Variants in CORO7 observed in about 807,000 individuals in gnomAD.
CORO7 encodes coronin-7.
CORO7 carries 107 observed loss-of-function variants against 126.6 expected under a neutral mutation model. The ratio of observed to expected loss-of-function variants is 0.85; its 90% confidence interval spans 0.72 to 0.99. CORO7 has a LOEUF of 0.99. Among genes scored for constraint, CORO7 ranks in the 50% least tolerant of loss-of-function variants. CORO7 has a pLI of 0.00. For missense variants in CORO7, 1,314 were observed against 1,255.8 expected, an observed-to-expected ratio of 1.05 and a Z score of -0.70; for synonymous variants, 603 against 536.8, an observed-to-expected ratio of 1.12 and a Z score of -1.70.
intron 9 of CORO7, among the ~76,000 whole-genome samples, chr16:4,370,294 C>A (rs1268252753): frequency 1.3e-5 from 2 of 152,126 alleles, no homozygotes; most frequent in Admixed American, 6.5e-5. Flanking sequence ...TGGGGCCGGG[C>A]AGGAAACTCA....
chr16:4,381,949 G>T, intron 9 of CORO7: 1 of 1,608,560 alleles, frequency 6.2e-7, no homozygotes. Context: ...CACAGCCACA[G>T]TGCCCACCAC....
At chr16:4,407,818 G>A in intron 4 of CORO7, 134 bp from the exon 5 acceptor site, 1 of 1,138,826 alleles carries the variant, frequency 8.8e-7, no homozygotes, top group South Asian at 1.7e-5. Context: ...CTTGGGAGGA[G>A]CGCCCACCCG....
intron 9 of CORO7, among the ~76,000 whole-genome samples, chr16:4,371,263 G>A (rs927682847): frequency 1.3e-5 from 2 of 152,230 alleles, no homozygotes; most frequent in Non-Finnish European, 2.9e-5. Flanking sequence ...GTGGCTAAGA[G>A]GACCCTGAGC....
At chr16:4,383,216 T>C in intron 9 of CORO7, 1 of 334,386 alleles carries the variant, frequency 3.0e-6, no homozygotes, top group East Asian at 5.0e-5. Flanking sequence ...TGGGCCCTGC[T>C]GGGCTCTCCC....
At position 4,362,017 on chromosome 16, in the gene CORO7, G is replaced by A. The variant is rs1244859788; in HGVS notation, c.1546C>T (p.Leu516Phe). 6.2e-7 allele frequency: 1 copy of A among 1,612,086 alleles called. No individual in the cohort carries two copies. Among genetic ancestry groups the A allele is most frequent in the East Asian group, 2.2e-5 (1 of 44,842 alleles). ...ACAGCCACCTGTCCCCCGCTGCTGA[G>A]CAGCGGCACGGCCACACGCAGCTTG... ...ANKLRVAVPLLSSGGQVAVLE... is the reference protein window; with the variant it reads ...ANKLRVAVPLFSSGGQVAVLE... Residue 516 changes from leucine (L) to phenylalanine (F), a missense_variant, in exon 16 of 28, where the codon CTC (leucine) becomes TTC (phenylalanine). Coordinates refer to ENST00000251166, the MANE Select transcript of CORO7 (RefSeq NM_024535.5). The surrounding 1 kb of genome is among the most constrained non-coding windows in gnomAD (Gnocchi z 5.3).
chr16:4,414,312 C>G (rs1217863577), intron 1 of CORO7: 1 of 152,192 alleles, frequency 6.6e-6, no homozygotes, highest in South Asian at 2.1e-4. Flanking sequence ...CACACCTTTC[C>G]ACAAAGTCTC....
intron 9 of CORO7, among the ~76,000 whole-genome samples, chr16:4,375,189 C>G (rs2054676291): frequency 6.6e-6 from 1 of 152,196 alleles, no homozygotes. Flanking sequence ...CTGCCCTGGG[C>G]TAACAGGTCT....
In CORO7 at chr16:4,360,398, C is replaced by T. The variant is rs115205675; in HGVS notation, c.2023-35G>A. On this transcript the variant is annotated intron_variant, in intron 20 of 27. Coordinates refer to ENST00000251166, the MANE Select transcript of CORO7 (RefSeq NM_024535.5). ...TACATCGCGTGACACCCAGCCAGCACCCCTGAACCAGGTCTGAGGCCACTC... is the reference window on the plus strand; with the variant it reads ...TACATCGCGTGACACCCAGCCAGCATCCCTGAACCAGGTCTGAGGCCACTC... The T allele has an allele frequency of 1.5e-3, 2,363 of 1,613,332 alleles. 26 individuals carry two copies. In the African/African-American group the frequency reaches 0.028, roughly 19 times the overall value.
chr16:4,382,643 C>T lies in CORO7; in HGVS notation c.785+5343G>A, dbSNP rs530602551. On this transcript the variant is annotated intron_variant, in intron 9 of 27. Coordinates refer to ENST00000251166, the MANE Select transcript of CORO7 (RefSeq NM_024535.5). ...GCCCTGGCCGCGGTGCTCCTGGCCG[C>T]GCTGGCTGCGGTGGGGGCAGCCTAC... 276 of 1,557,394 alleles carry T rather than the reference C, an allele frequency of 1.8e-4. No homozygotes were observed. The African/African-American group carries it at 3.4e-3, about 19-fold the overall frequency.
intron 9 of CORO7, among the ~76,000 whole-genome samples, chr16:4,366,919 C>T (rs2054366333): frequency 6.6e-6 from 1 of 152,282 alleles, no homozygotes; most frequent in East Asian, 1.9e-4. Context: ...AGGACCCCGT[C>T]CCCACTGTGT....
intron 9 of CORO7, among the ~76,000 whole-genome samples, chr16:4,369,796 T>C (rs997139946): frequency 3.3e-5 from 5 of 152,196 alleles, no homozygotes; most frequent in African/African-American, 9.7e-5. Flanking sequence ...CCCTTGGATC[T>C]GTCCCTATCA....
At chr16:4,414,809 A>G (rs982486161) in intron 1 of CORO7, among the ~76,000 whole-genome samples, 1 of 152,098 alleles carries the variant, frequency 6.6e-6, no homozygotes, top group Non-Finnish European at 1.5e-5. Context: ...CTGCACTCAG[A>G]GCCACCGGCT....
At position 4,407,521 on chromosome 16, in the gene CORO7, G is replaced by A; in HGVS notation, c.467C>T (p.Ala156Val). 6.4e-7 allele frequency: 1 copy of A among 1,571,574 alleles called. No individual in the cohort carries two copies. The highest frequency in any genetic ancestry group is 1.4e-5 in the African/African-American group (1 of 73,952). Reference sequence around the variant, plus strand: ...TGTACCTGTCAGGGGCTGCTGCTTGGCTGCGTCCCAGACCTTCACAGTGGT... The same window carrying A: ...TGTACCTGTCAGGGGCTGCTGCTTGACTGCGTCCCAGACCTTCACAGTGGT... The part of the protein sequence containing the change: ...AGTTVKVWDA[A>V]KQQPLTELAA... Residue 156 changes from alanine (A) to valine (V), a missense_variant, in exon 5 of 28, where the codon GCC (alanine) becomes GTC (valine). By Grantham distance (64) the Ala-to-Val change is moderately conservative (BLOSUM62 0). Coordinates refer to ENST00000251166, the MANE Select transcript of CORO7 (RefSeq NM_024535.5).
intron 6 of CORO7, among the ~76,000 whole-genome samples, chr16:4,404,897 T>C (rs935552765): frequency 2.0e-5 from 3 of 152,118 alleles, no homozygotes; most frequent in Non-Finnish European, 4.4e-5. Context: ...TGCCCTACTC[T>C]GGCCTTTAAC....
chr16:4,374,086 C>CGTGTGTGT (rs112578905), intron 9 of CORO7, among the ~76,000 whole-genome samples: 1 of 148,702 alleles, frequency 6.7e-6, no homozygotes, highest in African/African-American at 2.5e-5. Context: ...GGAGGGTGCA[C>CGTGTGTGT]GTGTGTGTGT....
intron 4 of CORO7, 93 bp downstream of exon 4, chr16:4,408,088 G>A: frequency 6.4e-7 from 1 of 1,573,606 alleles, no homozygotes; most frequent in Non-Finnish European, 8.7e-7. Context: ...GGACTGGGAG[G>A]CAGCAGAGCC....
At chr16:4,378,004 C>T (rs1177462377) in intron 9 of CORO7, among the ~76,000 whole-genome samples, 4 of 152,194 alleles carry the variant, frequency 2.6e-5, no homozygotes, top group African/African-American at 9.7e-5. Flanking sequence ...TCCCCTCTCC[C>T]TTCACAACCT....
intron 6 of CORO7, among the ~76,000 whole-genome samples, chr16:4,401,485 G>C (rs2055805603): frequency 6.6e-6 from 1 of 152,214 alleles, no homozygotes; most frequent in Non-Finnish European, 1.5e-5. Flanking sequence ...CGGGCACCAG[G>C]TACAGTCCAG....
At chr16:4,370,970 A>G (rs1263030342) in intron 9 of CORO7, among the ~76,000 whole-genome samples, 1 of 152,156 alleles carries the variant, frequency 6.6e-6, no homozygotes, top group African/African-American at 2.4e-5. Flanking sequence ...GAGGGGGAGG[A>G]GGGCAGAGTG....
Sources: allele counts gnomAD v4.1 joint callset (sites outside exome capture counted in the v4.1 genomes callset), GRCh38; gene constraint gnomAD v4.1.1; non-coding constraint Gnocchi (gnomAD v3.1); transcripts MANE v1.5; gene names NCBI Gene and HGNC (gene_info 2026-07-23, HGNC 2026-07-21).